The following FOXN3 variants were observed in gnomAD, a reference collection of about 807,000 sequenced individuals.
FOXN3 encodes forkhead box N3.
A neutral mutation model predicts 38.4 loss-of-function variants in FOXN3; 7 were observed. The observed-to-expected ratio is 0.18, with a 90% confidence interval of 0.10 to 0.34. The LOEUF is 0.34. FOXN3 is among the 10% of genes least tolerant of loss of function. The pLI is 1.00. For missense variants in FOXN3, 456 were observed against 613.4 expected, an observed-to-expected ratio of 0.74 and a Z score of 2.71; for synonymous variants, 230 against 242.2, an observed-to-expected ratio of 0.95 and a Z score of 0.47.
chr14:89,196,672 C>T (rs1888107738), intron 4 of FOXN3, among the ~76,000 whole-genome samples: 1 of 152,164 alleles, frequency 6.6e-6, no homozygotes, highest in South Asian at 2.1e-4. Context: ...TACACTATTG[C>T]CTCCAGAAAG....
chr14:89,225,876 T>C (rs1189823116), intron 4 of FOXN3, among the ~76,000 whole-genome samples: 1 of 152,140 alleles, frequency 6.6e-6, no homozygotes, highest in Non-Finnish European at 1.5e-5. Context: ...ACAAACGTTT[T>C]AACATCTTCA....
chr14:89,502,439 T>A, intron 1 of FOXN3, among the ~76,000 whole-genome samples: 1 of 152,228 alleles, frequency 6.6e-6, no homozygotes, highest in East Asian at 1.9e-4. Context: ...TTTAGCTCTG[T>A]CCATGTTAGA....
chr14:89,341,418 C>T (rs963337471), intron 3 of FOXN3, among the ~76,000 whole-genome samples: 4 of 152,232 alleles, frequency 2.6e-5, no homozygotes, highest in Non-Finnish European at 4.4e-5. Context: ...AACAGTAACA[C>T]ATGGATGCCC....
rs151028781 is a variant in FOXN3, at chr14:89,438,503, T to C, written c.-14-26013A>G. Among the ~76,000 whole-genome samples the C allele has an allele frequency of 2.8e-3, 427 of 152,252 alleles. 2 individuals are homozygous for C. The highest frequency in any genetic ancestry group is 9.5e-3 in the African/African-American group (393 of 41,548). On this transcript the variant is annotated intron_variant, in intron 1 of 6. Transcript: ENST00000345097. ...CATTCAGGCTGGAGGAATAAGAAAA[T>C]TGAAAATTATCTTCTATTCTCTCTA...
chr14:89,421,391 G>A (rs1350874386), upstream of FOXN3, among the ~76,000 whole-genome samples: 7 of 151,778 alleles, frequency 4.6e-5, no homozygotes, highest in South Asian at 2.1e-4. Context: ...CAGGTGATCC[G>A]CCTGCCTCAG....
chr14:89,407,756 G>A (rs1375483388), intron 2 of FOXN3, among the ~76,000 whole-genome samples: 1 of 152,160 alleles, frequency 6.6e-6, no homozygotes, highest in African/African-American at 2.4e-5. Flanking sequence ...GCTTGAGCAT[G>A]AGAGTCTGAG....
At chr14:89,414,007 T>G (rs1891623860) in intron 1 of FOXN3, among the ~76,000 whole-genome samples, 1 of 149,692 alleles carries the variant, frequency 6.7e-6, no homozygotes, top group Admixed American at 6.7e-5. Context: ...GAGGGATGAA[T>G]GAACATATTT....
intron 1 of FOXN3, among the ~76,000 whole-genome samples, chr14:89,451,084 C>T (rs138671130): frequency 4.0e-4 from 61 of 152,244 alleles, no homozygotes; most frequent in African/African-American, 1.4e-3. Context: ...TGTCTCTCAG[C>T]GAGAAGTGAG....
chr14:89,344,446 T>A (rs1014099943), intron 3 of FOXN3, among the ~76,000 whole-genome samples: 1 of 152,196 alleles, frequency 6.6e-6, no homozygotes, highest in Non-Finnish European at 1.5e-5. Flanking sequence ...TAAACCATAC[T>A]GTTTGATTAA....
intron 4 of FOXN3, among the ~76,000 whole-genome samples, chr14:89,191,117 T>C (rs1163380364): frequency 2.0e-5 from 3 of 152,250 alleles, no homozygotes; most frequent in Non-Finnish European, 4.4e-5. Flanking sequence ...GCTATAATTC[T>C]TAATAGGTTT....
At chr14:89,293,473 T>C (rs935411894) in intron 3 of FOXN3, among the ~76,000 whole-genome samples, 4 of 152,210 alleles carry the variant, frequency 2.6e-5, no homozygotes, top group African/African-American at 7.2e-5. Context: ...CTGGCCTCCC[T>C]CGCAGCTGCT....
At chr14:89,464,353 G>T (rs562788226) in intron 1 of FOXN3, among the ~76,000 whole-genome samples, 11 of 152,208 alleles carry the variant, frequency 7.2e-5, no homozygotes, top group African/African-American at 2.6e-4. Context: ...CTGATTCATG[G>T]CCAAGAGCAC....
At chr14:89,363,858 T>A (rs760688587) in intron 2 of FOXN3, among the ~76,000 whole-genome samples, 1 of 150,882 alleles carries the variant, frequency 6.6e-6, no homozygotes, top group Non-Finnish European at 1.5e-5. Context: ...ATGGGAGGAC[T>A]GCTTGAGCCT....
chr14:89,499,552 T>A (rs1430025873), intron 1 of FOXN3, among the ~76,000 whole-genome samples: 1 of 152,178 alleles, frequency 6.6e-6, no homozygotes, highest in East Asian at 1.9e-4. Context: ...TTTTAAACTT[T>A]ACTTTATGCT....
intron 2 of FOXN3, among the ~76,000 whole-genome samples, chr14:89,407,347 C>A (rs1891419197): frequency 6.6e-6 from 1 of 152,200 alleles, no homozygotes; most frequent in South Asian, 2.1e-4. Context: ...ACTGCAGGAA[C>A]CACATTTGGA....
intron 4 of FOXN3, among the ~76,000 whole-genome samples, chr14:89,185,229 G>A (rs1887773314): frequency 6.6e-6 from 1 of 152,188 alleles, no homozygotes; most frequent in South Asian, 2.1e-4. Context: ...TTGCTCACCA[G>A]CTGCCAGAAG....
upstream of FOXN3, among the ~76,000 whole-genome samples, chr14:89,420,619 C>T (rs370465998): frequency 1.4e-3 from 213 of 152,278 alleles, 1 homozygote; most frequent in African/African-American, 5.0e-3. Context: ...ATTACCAAAT[C>T]TGACTTGATT....
intron 1 of FOXN3, among the ~76,000 whole-genome samples, chr14:89,416,452 G>A (rs1891728453): frequency 6.6e-6 from 1 of 152,176 alleles, no homozygotes; most frequent in South Asian, 2.1e-4. Flanking sequence ...GGCCTCGGGG[G>A]TCTCCGGAGA....
chr14:89,307,633 A>G (rs1887415814), intron 3 of FOXN3, among the ~76,000 whole-genome samples: 1 of 152,134 alleles, frequency 6.6e-6, no homozygotes. Flanking sequence ...ACCGAGCCAC[A>G]GTATTTCTTA....
Sources: allele counts gnomAD v4.1 joint callset (sites outside exome capture counted in the v4.1 genomes callset), GRCh38; gene constraint gnomAD v4.1.1; transcripts MANE v1.5; gene names NCBI Gene and HGNC (gene_info 2026-07-23, HGNC 2026-07-21).